Variants in CHRM3 observed in about 807,000 individuals in gnomAD.
CHRM3 encodes cholinergic receptor muscarinic 3.
Under a neutral mutation model 41.8 loss-of-function variants are expected in CHRM3, and 11 were observed. The observed-to-expected ratio is 0.26, with a 90% CI of 0.17 to 0.44. CHRM3 has a LOEUF of 0.44. CHRM3 is among the 20% of genes least tolerant of loss of function. CHRM3 has a pLI of 1.00. For missense variants in CHRM3, 571 were observed against 745.4 expected (o/e 0.77, Z 2.72); for synonymous variants, 297 against 301.4 (o/e 0.99, Z 0.15).
chr1:239,691,635 A>T (rs1347262670), intron 5 of CHRM3, among the ~76,000 whole-genome samples: 2 of 152,144 alleles, frequency 1.3e-5, no homozygotes, highest in African/African-American at 2.4e-5. Flanking sequence ...ATCAGTTTTA[A>T]ATGTTATATA....
intron 6 of CHRM3, among the ~76,000 whole-genome samples, chr1:239,865,518 C>T (rs1239195805): frequency 1.3e-5 from 2 of 152,112 alleles, no homozygotes; most frequent in Non-Finnish European, 2.9e-5. Context: ...GTGGCTGATC[C>T]AGTCCAGTTA....
chr1:239,730,016 A>T (rs1663812490), intron 5 of CHRM3, among the ~76,000 whole-genome samples: 1 of 151,954 alleles, frequency 6.6e-6, no homozygotes, highest in African/African-American at 2.4e-5. Flanking sequence ...GGAAACAAAG[A>T]CACAAGAATC....
chr1:239,647,875 G>T lies in CHRM3; in HGVS notation c.-250+15589G>T, dbSNP rs918360229. ...TTCCTAGCTGGCTCAAAATTGCTTGGCTTCTATGTCTCTCAGTTTTCTTAT... is the reference window on the plus strand; with the variant it reads ...TTCCTAGCTGGCTCAAAATTGCTTGTCTTCTATGTCTCTCAGTTTTCTTAT... On this transcript the variant is annotated intron_variant, in intron 4 of 6. Transcript: ENST00000676153. Among the ~76,000 whole-genome samples the T allele has an allele frequency of 5.9e-5, 9 of 152,070 alleles. No homozygotes were observed. In the South Asian group the frequency reaches 6.2e-4, roughly 11 times the overall value.
intron 3 of CHRM3, among the ~76,000 whole-genome samples, chr1:239,601,364 G>C (rs12238980): frequency 0.027 from 4,047 of 152,244 alleles, 185 homozygotes; most frequent in African/African-American, 0.093. Context: ...CTCATCCACT[G>C]TGATGGAAGT....
At chr1:239,881,192 A>T (rs552272147) in intron 6 of CHRM3, among the ~76,000 whole-genome samples, 57 of 141,258 alleles carry the variant, frequency 4.0e-4, no homozygotes, top group Non-Finnish European at 7.3e-4. Context: ...CTGAGGCAGG[A>T]GAATGGCGTG....
intron 1 of CHRM3, among the ~76,000 whole-genome samples, chr1:239,479,316 C>T (rs1053387690): frequency 5.3e-5 from 8 of 151,720 alleles, no homozygotes; most frequent in South Asian, 2.1e-4. Context: ...ACACTGTATG[C>T]GTTATAGTCG....
At chr1:239,774,958 A>T (rs1297144738) in intron 5 of CHRM3, among the ~76,000 whole-genome samples, 2 of 152,200 alleles carry the variant, frequency 1.3e-5, no homozygotes, top group Non-Finnish European at 2.9e-5. Context: ...TTGCCATAGG[A>T]GAGTGAATCA....
intron 5 of CHRM3, among the ~76,000 whole-genome samples, chr1:239,823,201 G>A (rs1309271149): frequency 2.0e-5 from 3 of 152,114 alleles, no homozygotes; most frequent in Admixed American, 6.5e-5. Context: ...TGATCATCAA[G>A]AAAGCTCAAT....
chr1:239,419,905 C>T (rs941246371), intron 1 of CHRM3, among the ~76,000 whole-genome samples: 1 of 152,104 alleles, frequency 6.6e-6, no homozygotes, highest in African/African-American at 2.4e-5. Flanking sequence ...TCTCATTGTC[C>T]CTTTATGTTA....
chr1:239,653,601 A>C (rs989092146), intron 4 of CHRM3, among the ~76,000 whole-genome samples: 2 of 152,182 alleles, frequency 1.3e-5, no homozygotes, highest in African/African-American at 4.8e-5. Flanking sequence ...TCTGTTTTTC[A>C]AAAACGGTCT....
At chr1:239,400,025 C>A (rs770874705) in intron 1 of CHRM3, among the ~76,000 whole-genome samples, 1 of 152,100 alleles carries the variant, frequency 6.6e-6, no homozygotes, top group Non-Finnish European at 1.5e-5. Flanking sequence ...GATTCTCCTG[C>A]CTCAGCCTCC....
intron 1 of CHRM3, among the ~76,000 whole-genome samples, chr1:239,439,823 T>G (rs1663564455): frequency 6.6e-6 from 1 of 152,100 alleles, no homozygotes; most frequent in African/African-American, 2.4e-5. Context: ...ATCATGCCTT[T>G]TATTAGGGCT....
rs532266047 is a variant in CHRM3, at chr1:239,452,893, C to T, written c.-520-39816C>T. Among the ~76,000 whole-genome samples the T allele has an allele frequency of 6.6e-3, 1,010 of 152,178 alleles. 13 individuals are homozygous for T. Among genetic ancestry groups the T allele is most frequent in the African/African-American group, 0.023 (940 of 41,534 alleles). ...TGGGCTCACTGCAAGCTCCTCCTCC[C>T]GGGTTCACGCCATTCTCCTGCCTCA... On this transcript the variant is annotated intron_variant, in intron 1 of 6. Coordinates refer to ENST00000676153, the MANE Select transcript of CHRM3 (RefSeq NM_001375978.1).
At chr1:239,662,001 A>G (rs1673238525) in intron 4 of CHRM3, among the ~76,000 whole-genome samples, 1 of 152,100 alleles carries the variant, frequency 6.6e-6, no homozygotes, top group Non-Finnish European at 1.5e-5. Context: ...AATAAATAAT[A>G]AAGCCTATTA....
intron 6 of CHRM3, among the ~76,000 whole-genome samples, chr1:239,847,729 C>CAT (rs1427066762): frequency 3.3e-5 from 5 of 151,874 alleles, no homozygotes; most frequent in Non-Finnish European, 7.4e-5. Flanking sequence ...CACACACACA[C>CAT]ATATACACAC....
chr1:239,833,653 C>T (rs1558163467), intron 6 of CHRM3, among the ~76,000 whole-genome samples: 1 of 152,186 alleles, frequency 6.6e-6, no homozygotes. Flanking sequence ...ATTAATACAT[C>T]CCCGAGGAGG....
chr1:239,783,512 A>G (rs1488626223), intron 5 of CHRM3, among the ~76,000 whole-genome samples: 1 of 152,190 alleles, frequency 6.6e-6, no homozygotes, highest in African/African-American at 2.4e-5. Context: ...AGATAATAAT[A>G]GCCATCTTGA....
Position 239,901,305 on chromosome 1 carries a change from C to A in CHRM3, c.-19-6128C>A, listed in dbSNP as rs575142619. On this transcript the variant is annotated intron_variant, in intron 6 of 6. Coordinates refer to ENST00000676153, the MANE Select transcript of CHRM3 (RefSeq NM_001375978.1). ...TGCCCCCTTTTAACTCTCTTCTTCA[C>A]TTCCTTCTGGCTTCGGAAACTTTGG... is the stretch of plus-strand genomic sequence containing the variant. Among the ~76,000 whole-genome samples the A allele has an allele frequency of 5.9e-5, 9 of 152,222 alleles. No homozygotes were observed. In the East Asian group the frequency reaches 1.5e-3, roughly 26 times the overall value.
chr1:239,702,065 C>T (rs530334119), intron 5 of CHRM3, among the ~76,000 whole-genome samples: 23 of 152,254 alleles, frequency 1.5e-4, no homozygotes, highest in African/African-American at 2.4e-4. Context: ...GAAGTTTCCT[C>T]GAGGAGAAGC....
Sources: gnomAD v4.1 joint callset for allele counts (sites outside exome capture counted in the v4.1 genomes callset) on GRCh38, gnomAD v4.1.1 for gene constraint, MANE v1.5 for transcripts, NCBI Gene and HGNC (gene_info 2026-07-23, HGNC 2026-07-21) for gene names.